The following MYO16 variants were observed in gnomAD, a reference collection of about 807,000 sequenced individuals.
MYO16 encodes unconventional myosin-XVI.
Under a neutral mutation model 205.3 loss-of-function variants are expected in MYO16, and 94 were observed. The ratio of observed to expected loss-of-function variants is 0.46; its 90% CI spans 0.39 to 0.54. MYO16 has a LOEUF of 0.54. MYO16 is among the 20% of genes least tolerant of loss of function. The pLI is 0.00. For missense variants in MYO16, 2,315 were observed against 2,387.5 expected, an observed-to-expected ratio of 0.97 and a Z score of 0.63; for synonymous variants, 988 against 954.0, an observed-to-expected ratio of 1.04 and a Z score of -0.66.
In MYO16 at chr13:109,125,771, A is replaced by G. The variant is rs1876218523; in HGVS notation, c.3782+413A>G. Among the ~76,000 whole-genome samples, 1 of 152,166 alleles carries G rather than the reference A, an allele frequency of 6.6e-6. No homozygotes were observed. The highest frequency in any genetic ancestry group is 1.5e-5 in the Non-Finnish European group (1 of 68,022). On this transcript the variant is annotated intron_variant, in intron 30 of 34. Coordinates refer to ENST00000457511, the MANE Select transcript of MYO16 (RefSeq NM_001198950.3). This position sits in a 1 kb window ranked among gnomAD's most constrained non-coding sequence, Gnocchi z 4.0. ...ATCTGACCCAAAAAATGGAGATACC[A>G]CTCTGAAAACATGGAAGAAGTGAAC...
chr13:108,673,365 CTTT>C (rs10709309), intron 2 of MYO16, among the ~76,000 whole-genome samples: 1 of 134,802 alleles, frequency 7.4e-6, no homozygotes, highest in Admixed American at 7.3e-5. Flanking sequence ...GTTCTTCTTC[CTTT>C]TTTTTTTTTT....
chr13:108,690,821 A>C (rs1247234247), intron 2 of MYO16, among the ~76,000 whole-genome samples: 2 of 152,162 alleles, frequency 1.3e-5, no homozygotes, highest in Non-Finnish European at 2.9e-5. Context: ...ATACTATTTT[A>C]AAAATAGTAT....
At chr13:108,509,023 G>A in the MYO16 span, among the ~76,000 whole-genome samples, 6 of 152,210 alleles carry the variant, frequency 3.9e-5, no homozygotes, top group Non-Finnish European at 7.4e-5. Flanking sequence ...AGGAGAAACT[G>A]AGTAAGGTGA....
chr13:109,157,785 C>T (rs796153699), intron 32 of MYO16, among the ~76,000 whole-genome samples: 13 of 152,324 alleles, frequency 8.5e-5, no homozygotes, highest in African/African-American at 2.9e-4. Flanking sequence ...ATTAGCTCAG[C>T]TGAGCAGGAT....
Position 109,023,506 on chromosome 13 carries a change from T to C in MYO16, c.2796+3595T>C, listed in dbSNP as rs1361301616. ...TATATATTTATATATTATACAGATA[T>C]AAATATATATATTTATAATTATATA... On this transcript the variant is annotated intron_variant, in intron 23 of 34. Coordinates refer to ENST00000457511, the MANE Select transcript of MYO16 (RefSeq NM_001198950.3). Among the ~76,000 whole-genome samples, 98 of 116,290 alleles carry C rather than the reference T, an allele frequency of 8.4e-4. 3 individuals carry two copies. The highest frequency in any genetic ancestry group is 3.3e-3 in the African/African-American group (95 of 28,650). 76.3% of individuals were successfully genotyped at this position (116,290 alleles called of 152,430 possible).
At chr13:109,186,906 G>T (rs1879712154) in intron 34 of MYO16, among the ~76,000 whole-genome samples, 1 of 152,180 alleles carries the variant, frequency 6.6e-6, no homozygotes, top group African/African-American at 2.4e-5. Context: ...GAAGTGCTAA[G>T]TTTCTGCTCA....
chr13:108,599,681 G>T (rs183918959), intron 1 of MYO16, among the ~76,000 whole-genome samples: 2 of 151,838 alleles, frequency 1.3e-5, no homozygotes, highest in Non-Finnish European at 2.9e-5. Flanking sequence ...TCAAATGCCC[G>T]CTGTGAGGTT....
the MYO16 span, among the ~76,000 whole-genome samples, chr13:108,524,281 G>A: frequency 6.6e-6 from 1 of 150,434 alleles, no homozygotes; most frequent in African/African-American, 2.4e-5. Context: ...CTCCAGCCTC[G>A]GCAACAGGGC....
At chr13:108,646,516 T>G (rs1334584385) in intron 1 of MYO16, among the ~76,000 whole-genome samples, 1 of 152,242 alleles carries the variant, frequency 6.6e-6, no homozygotes, top group Non-Finnish European at 1.5e-5. Context: ...TTCTGTAGAA[T>G]TTGTAAATTG....
chr13:108,719,736 T>A (rs981737232), intron 3 of MYO16, among the ~76,000 whole-genome samples: 12 of 152,198 alleles, frequency 7.9e-5, no homozygotes, highest in African/African-American at 2.9e-4. Flanking sequence ...CCAATTCCTA[T>A]CAGGCTATTA....
intron 11 of MYO16, among the ~76,000 whole-genome samples, chr13:108,863,767 G>T (rs1259689676): frequency 1.3e-5 from 2 of 151,942 alleles, no homozygotes; most frequent in East Asian, 1.9e-4. Context: ...TGTTTATTTT[G>T]TACATCAATG....
intron 2 of MYO16, among the ~76,000 whole-genome samples, chr13:108,708,232 A>G (rs560640541): frequency 1.3e-5 from 2 of 152,132 alleles, no homozygotes; most frequent in African/African-American, 2.4e-5. Flanking sequence ...TGTTGATAAC[A>G]TAATTTCTAT....
chr13:108,927,083 G>C (rs950371210), intron 16 of MYO16, among the ~76,000 whole-genome samples: 1 of 151,858 alleles, frequency 6.6e-6, no homozygotes, highest in Admixed American at 6.6e-5. Context: ...TGACTCCCGA[G>C]TGAACAGAGG....
chr13:109,120,535 C>G, intron 29 of MYO16, 69 bp downstream of exon 29: 1 of 1,229,542 alleles, frequency 8.1e-7, no homozygotes, highest in Non-Finnish European at 1.2e-6. Context: ...TAGTGCATCC[C>G]CAAGTTTAAA....
At chr13:108,793,309 A>C (rs1272091619) in intron 5 of MYO16, among the ~76,000 whole-genome samples, 4 of 151,826 alleles carry the variant, frequency 2.6e-5, no homozygotes, top group Non-Finnish European at 5.9e-5. Context: ...AAAAAAACAT[A>C]ACAAGAGATA....
intron 1 of MYO16, among the ~76,000 whole-genome samples, chr13:108,656,412 C>A (rs1331211692): frequency 6.6e-6 from 1 of 152,138 alleles, no homozygotes; most frequent in Non-Finnish European, 1.5e-5. Context: ...ACCTCTTTTT[C>A]TTCTCAGTCT....
chr13:108,888,260 T>A (rs945095273), intron 13 of MYO16, 112 bp from the exon 14 acceptor site: 1 of 657,330 alleles, frequency 1.5e-6, no homozygotes, highest in African/African-American at 1.9e-5. Flanking sequence ...CTGAGAAATA[T>A]CTCCAGTTAA....
At chr13:108,662,076 G>A (rs766540465) in intron 1 of MYO16, among the ~76,000 whole-genome samples, 3 of 152,192 alleles carry the variant, frequency 2.0e-5, no homozygotes, top group Non-Finnish European at 2.9e-5. Flanking sequence ...GCCACCCAGT[G>A]AGTCTACCCA....
At chr13:109,073,618 G>A (rs1887996463) in intron 27 of MYO16, among the ~76,000 whole-genome samples, 1 of 152,108 alleles carries the variant, frequency 6.6e-6, no homozygotes, top group Non-Finnish European at 1.5e-5. Flanking sequence ...GTGATTTGGT[G>A]TGTGAATTTA....
Sources: allele counts gnomAD v4.1 joint callset (sites outside exome capture counted in the v4.1 genomes callset), GRCh38; gene constraint gnomAD v4.1.1; non-coding constraint Gnocchi (gnomAD v3.1); transcripts MANE v1.5; gene names NCBI Gene and HGNC (gene_info 2026-07-23, HGNC 2026-07-21).